RANBP17: variants seen among roughly 807,000 people sequenced by gnomAD.
RANBP17 encodes the protein ran-binding protein 17.
RANBP17 carries 158 observed loss-of-function variants against 141.2 expected under a neutral mutation model. The observed-to-expected ratio is 1.12, with a 90% CI of 0.98 to 1.28. RANBP17 has a LOEUF of 1.28. Among genes scored for constraint, RANBP17 ranks in the 50% most tolerant of loss-of-function variants. RANBP17 has a pLI of 0.00. For synonymous variants in RANBP17, 430 were observed against 450.0 expected (o/e 0.96, Z 0.56); for missense variants, 1,438 against 1,290.7 (o/e 1.11, Z -1.75).
intron 22 of RANBP17, 145 bp downstream of exon 22, chr5:171,221,985 C>G (rs947503601): frequency 1.7e-6 from 1 of 603,152 alleles, no homozygotes; most frequent in East Asian, 2.8e-5. Context: ...AGCCAGTTAG[C>G]TATCATATTG....
chr5:171,220,186 C>A (rs920662294), intron 21 of RANBP17, among the ~76,000 whole-genome samples: 7 of 152,116 alleles, frequency 4.6e-5, no homozygotes, highest in Non-Finnish European at 4.4e-5. Flanking sequence ...AGGTCCACTC[C>A]AGATCCTGTT....
At chr5:171,268,502 CA>C (rs752614688) in intron 25 of RANBP17, among the ~76,000 whole-genome samples, 12 of 152,216 alleles carry the variant, frequency 7.9e-5, no homozygotes, top group Non-Finnish European at 1.8e-4. Flanking sequence ...AATGGCTTTT[CA>C]AAATATACAT....
intron 1 of RANBP17, among the ~76,000 whole-genome samples, chr5:170,862,643 G>A (rs1037479783): frequency 6.6e-6 from 1 of 152,222 alleles, no homozygotes; most frequent in Admixed American, 6.5e-5. Flanking sequence ...CCGCCTCTTC[G>A]GAGGAGGAAA....
At chr5:171,098,530 G>A (rs1018856530) in intron 14 of RANBP17, among the ~76,000 whole-genome samples, 6 of 152,100 alleles carry the variant, frequency 3.9e-5, no homozygotes, top group Admixed American at 3.3e-4. Context: ...GTAGATTCTG[G>A]ATATTAGCCC....
chr5:170,989,465 T>C (rs934041086), intron 14 of RANBP17, among the ~76,000 whole-genome samples: 1 of 151,810 alleles, frequency 6.6e-6, no homozygotes, highest in African/African-American at 2.4e-5. Context: ...CCTGCAAAAC[T>C]GAATGAGGAA....
At chr5:170,943,815 G>T (rs1328330417) in intron 12 of RANBP17, among the ~76,000 whole-genome samples, 1 of 152,044 alleles carries the variant, frequency 6.6e-6, no homozygotes, top group Admixed American at 6.5e-5. Context: ...GTAGCGAAAT[G>T]ACTACTACAG....
At chr5:170,862,146 C>A in intron 1 of RANBP17, 95 bp downstream of exon 1, 1 of 1,273,774 alleles carries the variant, frequency 7.9e-7, no homozygotes, top group Non-Finnish European at 1.0e-6. Context: ...GCGGCGGAGG[C>A]CGCAGGGCCG....
At chr5:171,037,543 G>A (rs973468480) in intron 14 of RANBP17, among the ~76,000 whole-genome samples, 3 of 152,098 alleles carry the variant, frequency 2.0e-5, no homozygotes, top group African/African-American at 7.2e-5. Flanking sequence ...TGTTTCCTAG[G>A]TTTTCTTCTA....
At position 171,170,129 on chromosome 5, in the gene RANBP17, G is replaced by T; in HGVS notation, c.1711-1G>T. On this transcript the variant is annotated splice_acceptor_variant, in intron 14 of 27. Coordinates refer to ENST00000523189, the MANE Select transcript of RANBP17 (RefSeq NM_022897.5). LOFTEE classifies it high-confidence loss of function. ...TTTAACAATGAAATGTTTTAATGCA[G>T]GTATATGCTCGTATGTCAGAAGTCT... The T allele has an allele frequency of 2.0e-6, 3 of 1,524,118 alleles. No homozygotes were observed. The highest frequency in any genetic ancestry group is 2.7e-6 in the Non-Finnish European group (3 of 1,117,626). The allele number at this position is 1,524,118 out of a possible 1,614,324, so 94.4% of individuals were successfully genotyped here.
intron 12 of RANBP17, among the ~76,000 whole-genome samples, chr5:170,935,533 A>G (rs1045517588): frequency 3.9e-5 from 6 of 152,204 alleles, no homozygotes; most frequent in East Asian, 1.9e-4. Flanking sequence ...TCTAACAGTC[A>G]GGACCCTCAG....
intron 24 of RANBP17, among the ~76,000 whole-genome samples, chr5:171,247,053 A>G (rs1765253436): frequency 1.3e-5 from 2 of 152,188 alleles, no homozygotes. Flanking sequence ...ATTAGATAAT[A>G]TTATTTTCAT....
chr5:171,084,004 A>C (rs1178612810), intron 14 of RANBP17, among the ~76,000 whole-genome samples: 8 of 148,806 alleles, frequency 5.4e-5, no homozygotes, highest in South Asian at 4.3e-4. Flanking sequence ...GTACATGTGC[A>C]CATTGTGCAG....
intron 14 of RANBP17, among the ~76,000 whole-genome samples, chr5:171,129,080 C>G (rs1756712180): frequency 6.6e-6 from 1 of 152,092 alleles, no homozygotes; most frequent in South Asian, 2.1e-4. Context: ...CTCCCCAACC[C>G]CCATCACCAT....
At chr5:170,906,255 A>T (rs1313038045) in intron 5 of RANBP17, among the ~76,000 whole-genome samples, 1 of 151,964 alleles carries the variant, frequency 6.6e-6, no homozygotes, top group Non-Finnish European at 1.5e-5. Flanking sequence ...TTTAGTTCTT[A>T]TGTTTTATTA....
intron 14 of RANBP17, among the ~76,000 whole-genome samples, chr5:171,148,300 C>T (rs1037680608): frequency 6.6e-6 from 1 of 152,152 alleles, no homozygotes; most frequent in Non-Finnish European, 1.5e-5. Flanking sequence ...CCTTTGTTCA[C>T]TTGTTTGTCT....
intron 14 of RANBP17, among the ~76,000 whole-genome samples, chr5:171,134,861 A>G (rs539764099): frequency 3.3e-5 from 5 of 152,156 alleles, no homozygotes; most frequent in African/African-American, 1.2e-4. Flanking sequence ...AGCAGAGGTT[A>G]TAGTGAGCTG....
intron 25 of RANBP17, among the ~76,000 whole-genome samples, chr5:171,285,553 A>G (rs1168457615): frequency 6.6e-6 from 1 of 152,224 alleles, no homozygotes; most frequent in Admixed American, 6.5e-5. Flanking sequence ...TGATATTGGC[A>G]AGAGTGAGAG....
At chr5:170,896,021 T>G (rs1770084214) in intron 4 of RANBP17, 29 bp from the exon 5 acceptor site, 1 of 1,469,634 alleles carries the variant, frequency 6.8e-7, no homozygotes, top group African/African-American at 1.4e-5. Flanking sequence ...TGTCTCCACT[T>G]AGGCTAAACT....
intron 14 of RANBP17, among the ~76,000 whole-genome samples, chr5:171,003,193 C>G (rs1472175240): frequency 6.6e-6 from 1 of 152,070 alleles, no homozygotes; most frequent in African/African-American, 2.4e-5. Context: ...TGTAAGAATT[C>G]CAAATGCACA....
Sources: allele counts gnomAD v4.1 joint callset (sites outside exome capture counted in the v4.1 genomes callset), GRCh38; gene constraint gnomAD v4.1.1; transcripts MANE v1.5; gene names NCBI Gene and HGNC (gene_info 2026-07-23, HGNC 2026-07-21).